The following MACROD2 variants were observed in gnomAD, a reference collection of about 807,000 sequenced individuals.
MACROD2 encodes mono-ADP ribosylhydrolase 2, also known as ADP-ribose glycohydrolase MACROD2.
Under a neutral mutation model 70.4 loss-of-function variants are expected in MACROD2, and 36 were observed. That is an observed-to-expected ratio of 0.51 (90% CI 0.39 to 0.68). The LOEUF is 0.68. Ranked by LOEUF, MACROD2 falls within the 30% of genes least tolerant of loss-of-function variation. MACROD2 has a pLI of 0.00. For synonymous variants in MACROD2, 172 were observed against 178.8 expected (o/e 0.96, Z 0.30); for missense variants, 496 against 538.4 (o/e 0.92, Z 0.78).
intron 3 of MACROD2, among the ~76,000 whole-genome samples, chr20:14,087,251 C>T (rs957482716): frequency 6.6e-6 from 1 of 152,152 alleles, no homozygotes; most frequent in African/African-American, 2.4e-5. Context: ...CAAAAATTAG[C>T]CAGGTGTGAT....
intron 3 of MACROD2, among the ~76,000 whole-genome samples, chr20:14,240,060 A>G (rs921252065): frequency 3.3e-5 from 5 of 152,240 alleles, no homozygotes; most frequent in East Asian, 1.9e-4. Context: ...GAAGACTTAC[A>G]TGTGGTTAAG....
intron 8 of MACROD2, among the ~76,000 whole-genome samples, chr20:15,602,446 C>A (rs144313082): frequency 5.3e-5 from 8 of 150,752 alleles, no homozygotes; most frequent in African/African-American, 1.9e-4. Flanking sequence ...ATCTCAAGAG[C>A]GCTTCCTCAT....
chr20:15,512,615 G>C (rs527659293), intron 8 of MACROD2, among the ~76,000 whole-genome samples: 2 of 152,222 alleles, frequency 1.3e-5, no homozygotes, highest in Admixed American at 6.5e-5. Context: ...GGACATGAAG[G>C]TGCCATTAAG....
chr20:14,561,285 A>G (rs1384754607), intron 4 of MACROD2, among the ~76,000 whole-genome samples: 1 of 151,888 alleles, frequency 6.6e-6, no homozygotes, highest in East Asian at 1.9e-4. Context: ...TGATTAGAAG[A>G]CTAACTTTTT....
intron 3 of MACROD2, among the ~76,000 whole-genome samples, chr20:14,432,177 C>T (rs146437019): frequency 1.3e-5 from 2 of 152,240 alleles, no homozygotes; most frequent in African/African-American, 4.8e-5. Flanking sequence ...CTTGCTCTAG[C>T]CATGCTGTTC....
At chr20:14,889,008 A>G (rs1263903979) in intron 5 of MACROD2, among the ~76,000 whole-genome samples, 1 of 152,152 alleles carries the variant, frequency 6.6e-6, no homozygotes, top group Non-Finnish European at 1.5e-5. Context: ...TTTCTGTGTG[A>G]TCACTGCTGC....
chr20:14,585,864 G>A (rs1261422719), intron 4 of MACROD2, among the ~76,000 whole-genome samples: 2 of 152,160 alleles, frequency 1.3e-5, no homozygotes, highest in Admixed American at 6.5e-5. Context: ...TATTCAAGGT[G>A]TGTAGCTTTC....
At chr20:15,839,333 C>T (rs1424273531) in intron 8 of MACROD2, among the ~76,000 whole-genome samples, 1 of 152,084 alleles carries the variant, frequency 6.6e-6, no homozygotes, top group East Asian at 1.9e-4. Context: ...TGCCTATATC[C>T]TTGCCATGGT....
chr20:14,247,861 C>G (rs2081979884), intron 3 of MACROD2, among the ~76,000 whole-genome samples: 1 of 152,192 alleles, frequency 6.6e-6, no homozygotes, highest in African/African-American at 2.4e-5. Context: ...CAGAATTCCT[C>G]CTCATCCCTA....
chr20:14,780,578 A>AAAT (rs938085731), intron 5 of MACROD2, among the ~76,000 whole-genome samples: 2 of 151,558 alleles, frequency 1.3e-5, no homozygotes, highest in African/African-American at 4.9e-5. Context: ...AAAAAAAAAA[A>AAAT]AGTGAAAACT....
At chr20:15,367,433 T>C (rs2146256198) in intron 6 of MACROD2, among the ~76,000 whole-genome samples, 1 of 152,334 alleles carries the variant, frequency 6.6e-6, no homozygotes, top group East Asian at 1.9e-4. Context: ...ATGAATATTA[T>C]TCATTTTTAC....
intron 8 of MACROD2, among the ~76,000 whole-genome samples, chr20:15,747,987 G>A (rs2051210199): frequency 6.6e-6 from 1 of 152,060 alleles, no homozygotes; most frequent in Non-Finnish European, 1.5e-5. Flanking sequence ...ATATTTTTAA[G>A]TTTTTCATTT....
intron 5 of MACROD2, among the ~76,000 whole-genome samples, chr20:14,809,810 A>G (rs2072687054): frequency 1.3e-5 from 2 of 152,134 alleles, no homozygotes; most frequent in Non-Finnish European, 2.9e-5. Flanking sequence ...AAACACCTCT[A>G]TGCAAATAAA....
chr20:15,462,426 C>T (rs977333285), intron 7 of MACROD2, among the ~76,000 whole-genome samples: 1 of 152,096 alleles, frequency 6.6e-6, no homozygotes, highest in Admixed American at 6.6e-5. Context: ...AAAGTAATTG[C>T]AAATAACGTG....
chr20:14,515,333 G>C (rs1013540619), intron 4 of MACROD2, among the ~76,000 whole-genome samples: 1 of 151,978 alleles, frequency 6.6e-6, no homozygotes, highest in Non-Finnish European at 1.5e-5. Flanking sequence ...CAAAGGAATT[G>C]AAATTAGTGT....
intron 5 of MACROD2, among the ~76,000 whole-genome samples, chr20:15,014,054 T>C (rs1405700326): frequency 6.6e-6 from 1 of 152,228 alleles, no homozygotes; most frequent in Non-Finnish European, 1.5e-5. Flanking sequence ...AATTGACCAC[T>C]TGTTTTGGTT....
chr20:14,649,581 G>A (rs1474452207), intron 4 of MACROD2, among the ~76,000 whole-genome samples: 1 of 152,176 alleles, frequency 6.6e-6, no homozygotes, highest in African/African-American at 2.4e-5. Flanking sequence ...AAGGACTGCA[G>A]TTCCCTTAGG....
chr20:15,490,640 C>T (rs1244651825), intron 7 of MACROD2, among the ~76,000 whole-genome samples: 1 of 152,036 alleles, frequency 6.6e-6, no homozygotes. Context: ...GCGACGAAGT[C>T]CACCGGAGTC....
intron 3 of MACROD2, among the ~76,000 whole-genome samples, chr20:14,268,417 CT>C (rs923741231): frequency 6.6e-5 from 10 of 152,116 alleles, no homozygotes; most frequent in African/African-American, 2.4e-4. Flanking sequence ...ACCTTTCTCC[CT>C]TTTTGAAGCA....
Sources: allele counts gnomAD v4.1 joint callset (sites outside exome capture counted in the v4.1 genomes callset), GRCh38; gene constraint gnomAD v4.1.1; transcripts MANE v1.5; gene names NCBI Gene and HGNC (gene_info 2026-07-23, HGNC 2026-07-21).